Variants in UNC5C observed in about 807,000 individuals in gnomAD.
The protein encoded by UNC5C is netrin receptor UNC5C.
Under a neutral mutation model 99.8 loss-of-function variants are expected in UNC5C, and 47 were observed. That is an observed-to-expected ratio of 0.47 (90% CI 0.37 to 0.60). UNC5C has a LOEUF of 0.60. Among genes scored for constraint, UNC5C ranks in the 20% least tolerant of loss-of-function variants. The pLI is 0.00. For synonymous variants in UNC5C, 487 were observed against 452.2 expected, an observed-to-expected ratio of 1.08 and a Z score of -0.98; for missense variants, 1,062 against 1,165.9, an observed-to-expected ratio of 0.91 and a Z score of 1.30.
chr4:95,273,535 T>C (rs1579286966), intron 4 of UNC5C, among the ~76,000 whole-genome samples: 1 of 152,174 alleles, frequency 6.6e-6, no homozygotes, highest in African/African-American at 2.4e-5. Context: ...ACCAGTTCCA[T>C]GGGTGTATTA....
intron 1 of UNC5C, among the ~76,000 whole-genome samples, chr4:95,478,438 G>A (rs933504471): frequency 3.9e-5 from 6 of 151,912 alleles, no homozygotes; most frequent in Middle Eastern, 3.2e-3. Context: ...GATTCTAAAC[G>A]TTCTTCCACC....
intron 1 of UNC5C, among the ~76,000 whole-genome samples, chr4:95,404,378 T>C (rs1015928476): frequency 4.6e-5 from 7 of 152,100 alleles, no homozygotes; most frequent in Non-Finnish European, 8.8e-5. Flanking sequence ...GGTATCGCTC[T>C]CCCTTTTTAA....
At chr4:95,373,610 T>C (rs1341862074) in intron 1 of UNC5C, among the ~76,000 whole-genome samples, 1 of 152,186 alleles carries the variant, frequency 6.6e-6, no homozygotes, top group Non-Finnish European at 1.5e-5. Context: ...TAACAGTTTG[T>C]TTGTTTCGCG....
At chr4:95,255,237 C>T (rs893874264) in intron 4 of UNC5C, among the ~76,000 whole-genome samples, 1 of 152,110 alleles carries the variant, frequency 6.6e-6, no homozygotes, top group Non-Finnish European at 1.5e-5. Context: ...GCCTTGGCCT[C>T]TCAAAGTGCT....
At chr4:95,251,390 C>T (rs1739722786) in intron 4 of UNC5C, among the ~76,000 whole-genome samples, 1 of 152,142 alleles carries the variant, frequency 6.6e-6, no homozygotes, top group Admixed American at 6.6e-5. Context: ...ATCTTTGGCT[C>T]AGGGTGTGCT....
intron 1 of UNC5C, among the ~76,000 whole-genome samples, chr4:95,383,980 C>T (rs1745142609): frequency 1.3e-5 from 2 of 152,088 alleles, no homozygotes; most frequent in Non-Finnish European, 2.9e-5. Flanking sequence ...ACTAGATTGT[C>T]TCAGAATGTT....
At chr4:95,381,477 T>C (rs577469993) in intron 1 of UNC5C, among the ~76,000 whole-genome samples, 2 of 152,274 alleles carry the variant, frequency 1.3e-5, no homozygotes, top group South Asian at 4.1e-4. Flanking sequence ...CAAACATGCC[T>C]TTTCTAGCTT....
chr4:95,356,208 A>AG (rs1315445305), intron 1 of UNC5C, among the ~76,000 whole-genome samples: 1 of 131,356 alleles, frequency 7.6e-6, no homozygotes, highest in Admixed American at 8.1e-5. Context: ...AAAAAAAAAA[A>AG]AAAACAAAAC....
At position 95,183,003 on chromosome 4, in the gene UNC5C, G is replaced by A; in HGVS notation, c.2345C>T (p.Thr782Ile). The A allele has an allele frequency of 1.9e-6, 3 of 1,613,362 alleles. No individual in the cohort carries two copies. The highest frequency in any genetic ancestry group is 1.7e-6 in the Non-Finnish European group (2 of 1,179,430). ...TGTGTTCAGGCTAAATCTTTCCAGA[G>A]TGAAGGTGCAGTGCAGGTTTCTTTG... ...GSQRNLHCTF[T>I]LERFSLNTVE... Residue 782 changes from threonine (T) to isoleucine (I), a missense_variant, in exon 14 of 16, where the codon ACT becomes ATT. Thr to Ile is a moderately conservative substitution (Grantham distance 89). Around this residue, in one of 3 missense-constraint regions of UNC5C, gnomAD observed 810 missense variants for 854.5 expected, o/e 0.95. Transcript: ENST00000453304.
chr4:95,473,166 C>G lies in UNC5C; in HGVS notation c.124+75568G>C, dbSNP rs536521985. Among the ~76,000 whole-genome samples the G allele has an allele frequency of 7.2e-5, 11 of 152,228 alleles. No individual in the cohort carries two copies. The South Asian group carries it at 1.4e-3, about 20-fold the overall frequency. ...AACTCTTCTTTTGTGTTTTGACTTTCTACTCAAAAGTTTCATTACAACTTC... is the reference window on the plus strand; with the variant it reads ...AACTCTTCTTTTGTGTTTTGACTTTGTACTCAAAAGTTTCATTACAACTTC... On this transcript the variant is annotated intron_variant, in intron 1 of 15. Coordinates refer to ENST00000453304, the MANE Select transcript of UNC5C (RefSeq NM_003728.4).
chr4:95,450,900 T>C (rs1747262068), intron 1 of UNC5C, among the ~76,000 whole-genome samples: 1 of 152,144 alleles, frequency 6.6e-6, no homozygotes, highest in South Asian at 2.1e-4. Flanking sequence ...GACAATCACC[T>C]TTTCCCTCAT....
chr4:95,472,557 T>C lies in UNC5C; in HGVS notation c.124+76177A>G, dbSNP rs545111489. 4.5e-4 allele frequency among the ~76,000 whole-genome samples: 69 copies of C among 152,252 alleles called. 1 individual carries two copies. The highest frequency in any genetic ancestry group is 8.1e-4 in the Non-Finnish European group (55 of 67,988). ...AGCACATGAAAACCGAGGTAAAAAA[T>C]GAATGGTTCATTTTATCCTTTGCAG... On this transcript the variant is annotated intron_variant, in intron 1 of 15. Transcript: ENST00000453304.
At chr4:95,279,209 G>A (rs72674531) in intron 3 of UNC5C, among the ~76,000 whole-genome samples, 11,792 of 152,196 alleles carry the variant, frequency 0.077, 697 homozygotes, top group East Asian at 0.22. Flanking sequence ...TCAAGTACAA[G>A]GCAGAGAAAA....
chr4:95,273,828 G>A (rs2149392215), intron 4 of UNC5C, among the ~76,000 whole-genome samples: 1 of 152,116 alleles, frequency 6.6e-6, no homozygotes, highest in Middle Eastern at 3.4e-3. Context: ...CCTGGTCCTA[G>A]TGGTTTGGAA....
intron 12 of UNC5C, among the ~76,000 whole-genome samples, chr4:95,192,307 A>C (rs1409209003): frequency 0.054 from 1,253 of 23,218 alleles, no homozygotes; most frequent in Admixed American, 0.061. Flanking sequence ...TCCCCTTCTC[A>C]CCTCCTCCCC....
chr4:95,486,457 T>C (rs1233930320), intron 1 of UNC5C, among the ~76,000 whole-genome samples: 1 of 151,726 alleles, frequency 6.6e-6, no homozygotes, highest in Non-Finnish European at 1.5e-5. Flanking sequence ...GTCACTGACA[T>C]AGTTCAGGTT....
rs922689958 is a variant in UNC5C at position 95,282,091 on chromosome 4, A to G, written c.491-3729T>C. Among the ~76,000 whole-genome samples, 8 of 152,314 alleles carry G rather than the reference A, an allele frequency of 5.3e-5. 1 individual carries two copies. In the Middle Eastern group the frequency reaches 0.014, roughly 259 times the overall value. On this transcript the variant is annotated intron_variant, in intron 3 of 15. Coordinates refer to ENST00000453304, the MANE Select transcript of UNC5C (RefSeq NM_003728.4). ...GCTTCACCAACTAGGCAATCGCTGAAGCACTGGAAACAGATGGCATCACCA... is the reference window on the plus strand; with the variant it reads ...GCTTCACCAACTAGGCAATCGCTGAGGCACTGGAAACAGATGGCATCACCA...
Position 95,462,102 on chromosome 4 carries a change from C to T in UNC5C, c.124+86632G>A, listed in dbSNP as rs556902175. ...ATGCTGAAATACCATAAAATATAAC[C>T]GCGTTCAAGAAAATCCATTGCTGTT... On this transcript the variant is annotated intron_variant, in intron 1 of 15. Coordinates refer to ENST00000453304, the MANE Select transcript of UNC5C (RefSeq NM_003728.4). 1.5e-4 allele frequency among the ~76,000 whole-genome samples: 23 copies of T among 152,000 alleles called. 1 individual carries two copies. The highest frequency in any genetic ancestry group is 7.7e-4 in the East Asian group (4 of 5,162).
intron 14 of UNC5C, among the ~76,000 whole-genome samples, chr4:95,175,410 C>G (rs1170737818): frequency 2.0e-5 from 3 of 151,612 alleles, no homozygotes; most frequent in African/African-American, 7.3e-5. Context: ...TTTAGTGCTT[C>G]CTTCAGGAGC....
Sources: gnomAD v4.1 joint callset for allele counts (sites outside exome capture counted in the v4.1 genomes callset) on GRCh38, gnomAD v4.1.1 for gene constraint, gnomAD v4.1.1 regional missense constraint, MANE v1.5 for transcripts, NCBI Gene and HGNC (gene_info 2026-07-23, HGNC 2026-07-21) for gene names.